Variants in CDC73 observed in about 807,000 individuals in gnomAD.
The protein encoded by CDC73 is parafibromin.
In CDC73, 21 loss-of-function variants were observed where a neutral mutation model predicts 83.7. The observed-to-expected ratio is 0.25, with a 90% CI of 0.18 to 0.36. The LOEUF is 0.36. Ranked by LOEUF, CDC73 falls within the 10% of genes least tolerant of loss-of-function variation. The pLI is 1.00. For missense variants in CDC73, 342 were observed against 653.3 expected (o/e 0.52, Z 5.19); for synonymous variants, 224 against 212.9 (o/e 1.05, Z -0.45).
chr1:193,224,339 G>GTATA (rs10541068), intron 13 of CDC73, among the ~76,000 whole-genome samples: 7 of 149,782 alleles, frequency 4.7e-5, no homozygotes, highest in African/African-American at 1.2e-4. Context: ...ATTGTTCCAT[G>GTATA]TATATATATA....
chr1:193,187,513 G>A (rs929766684), intron 10 of CDC73, among the ~76,000 whole-genome samples: 2 of 151,876 alleles, frequency 1.3e-5, no homozygotes, highest in African/African-American at 4.9e-5. Flanking sequence ...TCTTACTGCA[G>A]AGCAGTAGGG....
intron 15 of CDC73, among the ~76,000 whole-genome samples, chr1:193,241,564 C>G (rs1677861191): frequency 6.6e-6 from 1 of 152,212 alleles, no homozygotes; most frequent in African/African-American, 2.4e-5. Flanking sequence ...GGGGCAACCT[C>G]TGGCTCCCCA....
intron 14 of CDC73, among the ~76,000 whole-genome samples, chr1:193,234,171 TCTCTCACA>T (rs1311461702): frequency 7.1e-4 from 54 of 75,612 alleles, no homozygotes; most frequent in East Asian, 1.9e-3. Flanking sequence ...TCTCTCTCTC[TCTCTCACA>T]CACACACACA....
intron 15 of CDC73, 82 bp from the exon 16 acceptor site, chr1:193,249,648 C>T: frequency 9.6e-7 from 1 of 1,037,380 alleles, no homozygotes; most frequent in African/African-American, 1.6e-5. Context: ...TATAATACGG[C>T]TTCAGTTGGT....
intron 10 of CDC73, among the ~76,000 whole-genome samples, chr1:193,189,175 A>C (rs189008274): frequency 2.6e-5 from 4 of 152,300 alleles, no homozygotes; most frequent in Admixed American, 2.6e-4. Context: ...GCCAGTCTCA[A>C]ACTCCTGACC....
chr1:193,188,503 A>G (rs1676859379), intron 10 of CDC73, among the ~76,000 whole-genome samples: 1 of 152,152 alleles, frequency 6.6e-6, no homozygotes, highest in African/African-American at 2.4e-5. Flanking sequence ...AGAATAATAA[A>G]TGAATGTTTA....
chr1:193,206,395 C>A (rs1353093948), intron 11 of CDC73, among the ~76,000 whole-genome samples: 1 of 152,124 alleles, frequency 6.6e-6, no homozygotes, highest in Non-Finnish European at 1.5e-5. Context: ...CATTTCCTAC[C>A]CATCATTCTA....
intron 11 of CDC73, among the ~76,000 whole-genome samples, chr1:193,211,360 G>C (rs1248637265): frequency 6.6e-6 from 1 of 152,154 alleles, no homozygotes; most frequent in Non-Finnish European, 1.5e-5. Flanking sequence ...GCAGTTACAC[G>C]GATGGTAGAT....
chr1:193,142,790 G>C (rs2103127157), intron 7 of CDC73, among the ~76,000 whole-genome samples: 1 of 152,244 alleles, frequency 6.6e-6, no homozygotes, highest in South Asian at 2.1e-4. Context: ...CAAATTGCTG[G>C]TTAAAGGAGA....
At chr1:193,123,814 G>A (rs1675513360) in intron 1 of CDC73, among the ~76,000 whole-genome samples, 1 of 152,158 alleles carries the variant, frequency 6.6e-6, no homozygotes, top group South Asian at 2.1e-4. Context: ...CAGATAAGTT[G>A]ATGTGAAATG....
intron 10 of CDC73, among the ~76,000 whole-genome samples, chr1:193,177,274 A>C (rs1054169446): frequency 4.1e-5 from 6 of 146,644 alleles, no homozygotes; most frequent in African/African-American, 1.5e-4. Context: ...CTGTAATCCC[A>C]GCACTTTGGG....
chr1:193,128,993 ATTTT>A (rs756040512), intron 2 of CDC73, among the ~76,000 whole-genome samples: 5 of 128,924 alleles, frequency 3.9e-5, no homozygotes, highest in Admixed American at 7.7e-5. Flanking sequence ...CGCCCGGCTA[ATTTT>A]TTTTTTTTTT....
intron 10 of CDC73, among the ~76,000 whole-genome samples, chr1:193,193,963 A>G (rs929943663): frequency 6.6e-6 from 1 of 152,152 alleles, no homozygotes; most frequent in East Asian, 1.9e-4. Flanking sequence ...TTATCTTTCT[A>G]CATGTATGCC....
intron 13 of CDC73, among the ~76,000 whole-genome samples, chr1:193,215,099 A>G (rs918661880): frequency 1.3e-5 from 2 of 152,240 alleles, no homozygotes; most frequent in Non-Finnish European, 2.9e-5. Context: ...AAGTACAGTG[A>G]AAAATATACT....
intron 10 of CDC73, among the ~76,000 whole-genome samples, chr1:193,199,394 TA>T (rs942381472): frequency 2.0e-5 from 3 of 151,424 alleles, no homozygotes; most frequent in Non-Finnish European, 2.9e-5. Flanking sequence ...CCTGATCCCT[TA>T]AAAAAAAGAC....
intron 13 of CDC73, among the ~76,000 whole-genome samples, chr1:193,222,363 C>T (rs1677487251): frequency 2.0e-5 from 3 of 152,086 alleles, no homozygotes. Flanking sequence ...AAAAAGTCAC[C>T]GGGAAAGAAA....
chr1:193,232,913 A>T (rs1286673876), intron 13 of CDC73, 80 bp from the exon 14 acceptor site: 15 of 1,315,630 alleles, frequency 1.1e-5, no homozygotes, highest in South Asian at 6.5e-5. Flanking sequence ...AAAAAAAAAA[A>T]ATATTTCAAA....
Position 193,254,551 on chromosome 1 carries a change from A to T in CDC73, c.*3839A>T, listed in dbSNP as rs1037135520. On this transcript the variant is annotated 3_prime_UTR_variant, in exon 17 of 17. Transcript: ENST00000367435. ...GCACATTTGCAAGTATGTTGATCCC[A>T]GCATTGTTTATATCTGTTGGAATAA... is the stretch of plus-strand genomic sequence containing the variant. 1.3e-5 allele frequency among the ~76,000 whole-genome samples: 2 copies of T among 152,146 alleles called. No homozygotes were observed. The highest frequency in any genetic ancestry group is 4.8e-5 in the African/African-American group (2 of 41,450).
At chr1:193,148,665 T>A (rs976128351) in intron 8 of CDC73, among the ~76,000 whole-genome samples, 1 of 135,206 alleles carries the variant, frequency 7.4e-6, no homozygotes, top group South Asian at 2.3e-4. Flanking sequence ...TTTTTTTTTT[T>A]GAGACAGTCT....
Sources: allele counts gnomAD v4.1 joint callset (sites outside exome capture counted in the v4.1 genomes callset), GRCh38; gene constraint gnomAD v4.1.1; transcripts MANE v1.5; gene names NCBI Gene and HGNC (gene_info 2026-07-23, HGNC 2026-07-21).